ALMS1: variants seen among roughly 807,000 people sequenced by gnomAD.
ALMS1 encodes the protein centrosome-associated protein ALMS1.
ALMS1 carries 271 observed loss-of-function variants against 352.2 expected under a neutral mutation model. The observed-to-expected ratio is 0.77, with a 90% CI of 0.70 to 0.85. The LOEUF (loss-of-function observed/expected upper bound fraction) is 0.85, where lower values mean the gene tolerates loss of function less well. Ranked by LOEUF, ALMS1 falls within the 40% of genes least tolerant of loss-of-function variation. The pLI is 0.00. For missense variants in ALMS1, 5,445 were observed against 4,870.7 expected, an observed-to-expected ratio of 1.12 and a Z score of -3.51; for synonymous variants, 1,865 against 1,761.2, an observed-to-expected ratio of 1.06 and a Z score of -1.48.
At chr2:73,465,063 A>G (rs1218314788) in intron 9 of ALMS1, among the ~76,000 whole-genome samples, 1 of 152,028 alleles carries the variant, frequency 6.6e-6, no homozygotes, top group Non-Finnish European at 1.5e-5. Flanking sequence ...TCAAGCTACC[A>G]GTGGTAATTT....
chr2:73,557,069 C>A, intron 13 of ALMS1, 151 bp from the exon 14 acceptor site: 1 of 1,013,496 alleles, frequency 9.9e-7, no homozygotes, highest in Non-Finnish European at 1.5e-6. Flanking sequence ...CAATTCATGT[C>A]ACAGTTTTTA....
intron 10 of ALMS1, among the ~76,000 whole-genome samples, chr2:73,504,196 A>G (rs1000602954): frequency 5.3e-5 from 8 of 152,160 alleles, no homozygotes; most frequent in Non-Finnish European, 7.4e-5. Flanking sequence ...AAACCAGTAA[A>G]TTGATATTGG....
At chr2:73,551,945 A>G (rs1343165287) in intron 13 of ALMS1, among the ~76,000 whole-genome samples, 1 of 152,174 alleles carries the variant, frequency 6.6e-6, no homozygotes, top group African/African-American at 2.4e-5. Context: ...CAGTTTTTAA[A>G]TGTAGGGTGG....
At chr2:73,454,485 A>G in intron 8 of ALMS1, 3 of 617,076 alleles carry the variant, frequency 4.9e-6, no homozygotes, top group Non-Finnish European at 6.1e-6. Flanking sequence ...TGTGCTCTAA[A>G]TTGCTTTTTG....
intron 10 of ALMS1, among the ~76,000 whole-genome samples, chr2:73,500,778 C>A (rs1673202434): frequency 6.6e-6 from 1 of 152,148 alleles, no homozygotes; most frequent in South Asian, 2.1e-4. Context: ...AAACTCATTA[C>A]CATTTTGATG....
intron 7 of ALMS1, among the ~76,000 whole-genome samples, chr2:73,441,640 C>T (rs574474192): frequency 2.1e-4 from 31 of 150,912 alleles, no homozygotes; most frequent in African/African-American, 7.4e-4. Context: ...TATTTCTGGT[C>T]TTAGTTCCAC....
chr2:73,474,605 G>T (rs1178497836), intron 9 of ALMS1, among the ~76,000 whole-genome samples: 1 of 152,002 alleles, frequency 6.6e-6, no homozygotes. Context: ...CTCTCAAAGT[G>T]CTGGTATTAC....
intron 16 of ALMS1, among the ~76,000 whole-genome samples, chr2:73,592,065 A>G (rs925275949): frequency 2.6e-5 from 4 of 152,180 alleles, no homozygotes; most frequent in African/African-American, 9.7e-5. Context: ...TTTTAGCCAT[A>G]CATTCTCTTA....
At chr2:73,530,007 G>A (rs1019024536) in intron 11 of ALMS1, among the ~76,000 whole-genome samples, 4 of 152,074 alleles carry the variant, frequency 2.6e-5, no homozygotes, top group African/African-American at 7.2e-5. Flanking sequence ...CTCAACATGT[G>A]GGGATTACAA....
intron 10 of ALMS1, among the ~76,000 whole-genome samples, chr2:73,495,875 A>T (rs980174335): frequency 6.6e-6 from 1 of 152,296 alleles, no homozygotes; most frequent in Non-Finnish European, 1.5e-5. Flanking sequence ...TTACCCTAAT[A>T]TATAAATAGT....
chr2:73,483,591 A>C (rs1234433623), intron 9 of ALMS1, among the ~76,000 whole-genome samples: 1 of 151,626 alleles, frequency 6.6e-6, no homozygotes, highest in Non-Finnish European at 1.5e-5. Flanking sequence ...TATTAGGTCC[A>C]CTTGGTGCAG....
chr2:73,485,125 T>C (rs1179622067), intron 9 of ALMS1, among the ~76,000 whole-genome samples: 3 of 152,230 alleles, frequency 2.0e-5, no homozygotes, highest in African/African-American at 7.2e-5. Context: ...TGAGGAACTG[T>C]GTTCCTTTGG....
At chr2:73,399,690 A>G (rs1670832611) in intron 1 of ALMS1, among the ~76,000 whole-genome samples, 1 of 152,104 alleles carries the variant, frequency 6.6e-6, no homozygotes, top group African/African-American at 2.4e-5. Flanking sequence ...ACAGATATCC[A>G]AATCATATCA....
At position 73,453,928 on chromosome 2, in the gene ALMS1, G is replaced by T; in HGVS notation, c.7401G>T (p.Glu2467Asp). The change falls in exon 8 of 23, where the codon GAG becomes GAT. Residue 2467 changes from glutamate (E) to aspartate (D), a missense_variant. By Grantham distance (45) the Glu-to-Asp change is conservative. Coordinates refer to ENST00000613296, the MANE Select transcript of ALMS1 (RefSeq NM_001378454.1). ...TDSREEEGVS[E>D]SEDGGGSSVD... ...GCAGGGAGGAAGAGGGTGTGTCAGA[G>T]AGTGAGGATGGTGGTGGTAGCAGTG... 6.2e-7 allele frequency: 1 copy of T among 1,614,070 alleles called. No homozygotes were observed. The highest frequency in any genetic ancestry group is 8.5e-7 in the Non-Finnish European group (1 of 1,179,992).
intron 12 of ALMS1, among the ~76,000 whole-genome samples, chr2:73,545,841 G>T (rs1674303780): frequency 6.6e-6 from 1 of 152,182 alleles, no homozygotes; most frequent in African/African-American, 2.4e-5. Flanking sequence ...ATGAACATAT[G>T]ACTACGGAAG....
chr2:73,391,382 C>T (rs2103631320), intron 1 of ALMS1, among the ~76,000 whole-genome samples: 1 of 145,546 alleles, frequency 6.9e-6, no homozygotes, highest in African/African-American at 2.6e-5. Context: ...CAAACTCAGC[C>T]TCCCGAGTTC....
intron 15 of ALMS1, among the ~76,000 whole-genome samples, chr2:73,570,143 G>A (rs919953120): frequency 1.3e-5 from 2 of 152,202 alleles, no homozygotes; most frequent in Admixed American, 1.3e-4. Flanking sequence ...TTTGGCTTGG[G>A]CAGTAGGATG....
chr2:73,602,051 C>A, intron 19 of ALMS1, 134 bp from the exon 20 acceptor site: 1 of 931,526 alleles, frequency 1.1e-6, no homozygotes, highest in Non-Finnish European at 1.7e-6. Flanking sequence ...GATTCTTCAA[C>A]GCTAGATACT....
At position 73,541,944 on chromosome 2, in the gene ALMS1, G is replaced by T. The variant is rs531428997; in HGVS notation, c.9907+6995G>T. Among the ~76,000 whole-genome samples, 6 of 152,336 alleles carry T rather than the reference G, an allele frequency of 3.9e-5. No homozygotes were observed. In the South Asian group the frequency reaches 1.2e-3, roughly 32 times the overall value. On this transcript the variant is annotated intron_variant, in intron 12 of 22. Coordinates refer to ENST00000613296, the MANE Select transcript of ALMS1 (RefSeq NM_001378454.1). ...AGCCGAATTGTACCAGAGGTACAAG[G>T]AGGAGCTGGTACCATTCCTTCTGAA...
Sources: allele counts gnomAD v4.1 joint callset (sites outside exome capture counted in the v4.1 genomes callset), GRCh38; gene constraint gnomAD v4.1.1; transcripts MANE v1.5; gene names NCBI Gene and HGNC (gene_info 2026-07-23, HGNC 2026-07-21).